The following STOX2 variants were observed in gnomAD, a reference collection of about 807,000 sequenced individuals.
STOX2 encodes storkhead box 2, also known as storkhead-box protein 2.
STOX2 carries 28 observed loss-of-function variants against 60.9 expected under a neutral mutation model. That is an observed-to-expected ratio of 0.46 (90% CI 0.34 to 0.63). The LOEUF (loss-of-function observed/expected upper bound fraction) is 0.63, where lower values mean the gene tolerates loss of function less well. STOX2 is among the 30% of genes least tolerant of loss of function. The pLI, the probability that STOX2 is intolerant of heterozygous loss-of-function variation, is 0.01. For synonymous variants in STOX2, 472 were observed against 463.9 expected (o/e 1.02, Z -0.22); for missense variants, 1,024 against 1,187.7 (o/e 0.86, Z 2.03).
intron 2 of STOX2, among the ~76,000 whole-genome samples, chr4:184,002,445 A>AAC (rs1468444358): frequency 6.6e-6 from 1 of 152,264 alleles, no homozygotes; most frequent in Non-Finnish European, 1.5e-5. Flanking sequence ...CTGGGTAACA[A>AAC]ACAACTACAG....
intron 1 of STOX2, among the ~76,000 whole-genome samples, chr4:183,863,118 A>G (rs1239601843): frequency 6.6e-6 from 1 of 152,172 alleles, no homozygotes. Context: ...ATCTGAGAAC[A>G]TCGGTGGCGT....
At chr4:183,895,844 A>G (rs17075125) in intron 1 of STOX2, among the ~76,000 whole-genome samples, 5,403 of 152,256 alleles carry the variant, frequency 0.035, 330 homozygotes, top group African/African-American at 0.12. Context: ...TATTAATACA[A>G]TGAGGTCAGC....
intron 1 of STOX2, among the ~76,000 whole-genome samples, chr4:183,826,234 C>A (rs1004622391): frequency 4.6e-5 from 7 of 152,236 alleles, no homozygotes; most frequent in Admixed American, 3.3e-4. Context: ...TGGTTTTGGT[C>A]TTTTTTCCCT....
At chr4:183,900,255 C>T (rs548632415) in intron 1 of STOX2, among the ~76,000 whole-genome samples, 1 of 152,154 alleles carries the variant, frequency 6.6e-6, no homozygotes, top group Non-Finnish European at 1.5e-5. Context: ...TGTTTTCATG[C>T]CTGATAACAC....
intron 1 of STOX2, among the ~76,000 whole-genome samples, chr4:183,834,645 C>T (rs1260621995): frequency 2.0e-5 from 3 of 152,166 alleles, no homozygotes; most frequent in Admixed American, 2.0e-4. Flanking sequence ...AAGATCCGTG[C>T]CTATTCCATG....
At chr4:183,873,044 G>C (rs17075113) in intron 1 of STOX2, among the ~76,000 whole-genome samples, 20,844 of 152,150 alleles carry the variant, frequency 0.14, 1,765 homozygotes, top group African/African-American at 0.23. Flanking sequence ...TTGGAAGCTG[G>C]CTCTTTATTT....
chr4:183,893,920 G>A (rs974606077), intron 1 of STOX2, among the ~76,000 whole-genome samples: 1 of 152,226 alleles, frequency 6.6e-6, no homozygotes, highest in Non-Finnish European at 1.5e-5. Flanking sequence ...GGGAGGCCAA[G>A]TCAGGTGGAT....
chr4:183,996,992 C>A (rs1733371555), intron 1 of STOX2, among the ~76,000 whole-genome samples: 1 of 152,188 alleles, frequency 6.6e-6, no homozygotes, highest in Admixed American at 6.5e-5. Flanking sequence ...GATATTCATT[C>A]ATTCAACAAA....
At chr4:183,909,090 A>T (rs1192469290) in intron 1 of STOX2, among the ~76,000 whole-genome samples, 3 of 152,222 alleles carry the variant, frequency 2.0e-5, no homozygotes, top group Non-Finnish European at 4.4e-5. Flanking sequence ...ATGATGACAA[A>T]CACCTACAAT....
chr4:183,949,215 C>CA (rs1174520859), intron 1 of STOX2, among the ~76,000 whole-genome samples: 25 of 152,180 alleles, frequency 1.6e-4, no homozygotes, highest in African/African-American at 6.0e-4. Flanking sequence ...GAGGAGATCT[C>CA]AGAAATGATC....
At chr4:183,837,405 T>A (rs1739740661) in intron 1 of STOX2, among the ~76,000 whole-genome samples, 2 of 152,124 alleles carry the variant, frequency 1.3e-5, no homozygotes, top group African/African-American at 4.8e-5. Flanking sequence ...TCATACAGTA[T>A]TTGTCCTTCT....
intron 1 of STOX2, among the ~76,000 whole-genome samples, chr4:183,851,298 G>C (rs201421105): frequency 1.7e-4 from 9 of 53,476 alleles, no homozygotes; most frequent in African/African-American, 1.9e-4. Flanking sequence ...TGAGAGAAAG[G>C]ATGAGGGAAA....
chr4:183,874,762 T>C (rs1378577152), intron 1 of STOX2, among the ~76,000 whole-genome samples: 4 of 148,680 alleles, frequency 2.7e-5, no homozygotes, highest in African/African-American at 9.9e-5. Context: ...CCGTCTCTAG[T>C]AAAAATACAA....
intron 1 of STOX2, among the ~76,000 whole-genome samples, chr4:183,816,692 T>C (rs1739162062): frequency 6.6e-6 from 1 of 152,188 alleles, no homozygotes; most frequent in Non-Finnish European, 1.5e-5. Context: ...AGTGTATTCA[T>C]TTATTTTGGA....
At chr4:183,890,496 A>C (rs963646536) in intron 1 of STOX2, among the ~76,000 whole-genome samples, 1 of 147,116 alleles carries the variant, frequency 6.8e-6, no homozygotes, top group African/African-American at 2.5e-5. Flanking sequence ...AAAAAAAAAA[A>C]AAACAGCAAC....
chr4:184,001,593 A>C lies in STOX2; in HGVS notation c.319+116A>C. On this transcript the variant is annotated intron_variant, in intron 2 of 3. Coordinates refer to ENST00000308497, the MANE Select transcript of STOX2 (RefSeq NM_020225.3). This position sits in a 1 kb window ranked among gnomAD's most constrained non-coding sequence, Gnocchi z 4.2. ...GAATAGGAAAACATTCTTCCCCAAA[A>C]CTGACCCGAAGCTTTCCTTACTTCT... The C allele has an allele frequency of 2.0e-6, 2 of 991,502 alleles. No individual in the cohort carries two copies. Among genetic ancestry groups the C allele is most frequent in the South Asian group, 2.5e-5 (1 of 40,384 alleles). The allele number at this position is 991,502 out of a possible 1,614,324, so 61.4% of individuals were successfully genotyped here. A position where few individuals can be genotyped will look rare whatever the true frequency, so the allele number is the denominator to read the frequency against.
chr4:183,971,621 G>T (rs1057239476), intron 1 of STOX2, among the ~76,000 whole-genome samples: 1 of 152,226 alleles, frequency 6.6e-6, no homozygotes, highest in East Asian at 1.9e-4. Context: ...TTATCACAGA[G>T]GTGGGAAAAG....
chr4:183,882,367 A>G (rs980226213), intron 1 of STOX2, among the ~76,000 whole-genome samples: 4 of 152,204 alleles, frequency 2.6e-5, no homozygotes, highest in Non-Finnish European at 5.9e-5. Context: ...AGCAATTATA[A>G]AAGAAAAAAC....
chr4:183,917,293 G>C (rs781067383), intron 1 of STOX2, among the ~76,000 whole-genome samples: 5 of 152,212 alleles, frequency 3.3e-5, no homozygotes, highest in African/African-American at 4.8e-5. Flanking sequence ...CCACTCACAG[G>C]GGCCCGAAGG....
Sources: allele counts gnomAD v4.1 joint callset (sites outside exome capture counted in the v4.1 genomes callset), GRCh38; gene constraint gnomAD v4.1.1; non-coding constraint Gnocchi (gnomAD v3.1); transcripts MANE v1.5; gene names NCBI Gene and HGNC (gene_info 2026-07-23, HGNC 2026-07-21).